The following ZNF441 variants were observed in gnomAD, a reference collection of about 807,000 sequenced individuals.
The protein encoded by ZNF441 is zinc finger protein 441.
In ZNF441, 25 loss-of-function variants were observed where a neutral mutation model predicts 64.5. The ratio of observed to expected loss-of-function variants is 0.39; its 90% CI spans 0.28 to 0.54. The LOEUF (loss-of-function observed/expected upper bound fraction) is 0.54, where lower values mean the gene tolerates loss of function less well. Ranked by LOEUF, ZNF441 falls within the 20% of genes least tolerant of loss-of-function variation. ZNF441 has a pLI of 0.70. For missense variants in ZNF441, 715 were observed against 843.3 expected (o/e 0.85, Z 1.88); for synonymous variants, 262 against 268.0 (o/e 0.98, Z 0.22).
rs1282284706 is a variant in ZNF441, at chr19:11,767,466, G to T, written c.3+270G>T. ...GTCCTGCGTCTCCCCAGATTGTGCG[G>T]CTGTAACCGGCACAGGTTCGCGGCC... On this transcript the variant is annotated intron_variant, in intron 1 of 3. Coordinates refer to ENST00000357901, the MANE Select transcript of ZNF441 (RefSeq NM_152355.3). The surrounding 1 kb of genome is among the most constrained non-coding windows in gnomAD (Gnocchi z 5.1). Among the ~76,000 whole-genome samples the T allele has an allele frequency of 6.6e-6, 1 of 152,256 alleles. No homozygotes were observed. Among genetic ancestry groups the T allele is most frequent in the African/African-American group, 2.4e-5 (1 of 41,472 alleles).
At position 11,781,477 on chromosome 19, in the gene ZNF441, G is replaced by A. The variant is rs1283474146; in HGVS notation, c.1653G>A (p.Arg551=). Residue 551 remains arginine (R), a synonymous_variant, in exon 4 of 4, where the codon AGG becomes AGA. Coordinates refer to ENST00000357901, the MANE Select transcript of ZNF441 (RefSeq NM_152355.3). ...CCAGTTACATTCAACTACATGAAAGGACTCACACTGGAGAGAAACCCTATG... is the reference window on the plus strand; with the variant it reads ...CCAGTTACATTCAACTACATGAAAGAACTCACACTGGAGAGAAACCCTATG... ...RSSSYIQLHE[R]THTGEKPYGC... 2 of 1,613,528 alleles carry A rather than the reference G, an allele frequency of 1.2e-6. No homozygotes were observed. The highest frequency in any genetic ancestry group is 1.3e-5 in the African/African-American group (1 of 74,844).
Position 11,778,327 on chromosome 19 carries a change from T to A in ZNF441, c.131-3T>A, listed in dbSNP as rs1255277712. 6.5e-7 allele frequency: 1 copy of A among 1,533,768 alleles called. No homozygotes were observed. The highest frequency in any genetic ancestry group is 8.8e-7 in the Non-Finnish European group (1 of 1,137,630). ...TAGTCATTTTTCTGGTTCTAACTTTTAGGAATGATATGGCAAAATCATGAT... is the reference window on the plus strand; with the variant it reads ...TAGTCATTTTTCTGGTTCTAACTTTAAGGAATGATATGGCAAAATCATGAT... On this transcript the variant is annotated splice_polypyrimidine_tract_variant and splice_region_variant and intron_variant, in intron 2 of 3. Coordinates refer to ENST00000357901, the MANE Select transcript of ZNF441 (RefSeq NM_152355.3).
chr19:11,779,245 G>A (rs1975376829), intron 3 of ZNF441, among the ~76,000 whole-genome samples: 1 of 151,196 alleles, frequency 6.6e-6, no homozygotes, highest in Non-Finnish European at 1.5e-5. Context: ...CTTGAGCCCA[G>A]GAGGTCAAAG....
intron 2 of ZNF441, 89 bp downstream of exon 2, chr19:11,777,826 G>A: frequency 2.0e-6 from 3 of 1,496,620 alleles, no homozygotes; most frequent in African/African-American, 1.4e-5. Flanking sequence ...AATATGGAAG[G>A]GTATATAATT....
chr19:11,780,268 A>T lies in ZNF441; in HGVS notation c.444A>T (p.Thr148=). ...EKPYTHTQCG[T]AFSYQPCFQI... is the part of the protein sequence containing the mutation. ...CATATACACATACACAATGTGGGAC[A>T]GCTTTCAGTTATCAGCCCTGCTTTC... The change falls in exon 4 of 4, where the codon ACA becomes ACT. Residue 148 remains threonine, a synonymous_variant. Coordinates refer to ENST00000357901, the MANE Select transcript of ZNF441 (RefSeq NM_152355.3). The T allele has an allele frequency of 6.2e-7, 1 of 1,614,222 alleles. No individual in the cohort carries two copies. Among genetic ancestry groups the T allele is most frequent in the Non-Finnish European group, 8.5e-7 (1 of 1,180,048 alleles).
Position 11,780,510 on chromosome 19 carries a change from G to A in ZNF441, c.686G>A (p.Cys229Tyr). Residue 229 changes from cysteine to tyrosine, a missense_variant, in exon 4 of 4, where the codon TGT (cysteine) becomes TAT (tyrosine). Transcript: ENST00000357901. ...GAGAAACCATATGAATATGAGCAGT[G>A]TTCTACAGCGTTTCCTGCTTATAGT... ...TEEKPYEYEQ[C>Y]STAFPAYSST... is the part of the protein sequence containing the mutation. 6.2e-7 allele frequency: 1 copy of A among 1,614,126 alleles called. No individual in the cohort carries two copies. The highest frequency in any genetic ancestry group is 8.5e-7 in the Non-Finnish European group (1 of 1,180,024).
rs1290463494 is a variant in ZNF441, at chr19:11,782,746, T to A, written c.*840T>A. 1 of 152,234 alleles carries A rather than the reference T, an allele frequency of 6.6e-6. No individual in the cohort carries two copies. Among genetic ancestry groups the A allele is most frequent in the Non-Finnish European group, 1.5e-5 (1 of 68,032 alleles). The allele number at this position is 152,234 out of a possible 1,614,324, so 9.4% of individuals were successfully genotyped here. A position where few individuals can be genotyped will look rare whatever the true frequency, so the allele number is the denominator to read the frequency against. On this transcript the variant is annotated 3_prime_UTR_variant, in exon 4 of 4. Transcript: ENST00000357901. ...CCAAACCTTCCAGTGGTTATAGGCA[T>A]TTTGTTATCCTTCAAGTGACCTGGA...
chr19:11,779,089 G>A (rs1975375817), intron 3 of ZNF441, among the ~76,000 whole-genome samples: 1 of 152,162 alleles, frequency 6.6e-6, no homozygotes, highest in South Asian at 2.1e-4. Flanking sequence ...GGGAAGCTGA[G>A]GCAGGAAGAC....
rs1975388357 is a variant in ZNF441, at chr19:11,780,197, G to A, written c.373G>A (p.Asp125Asn). 2.5e-6 allele frequency: 4 copies of A among 1,614,142 alleles called. No individual in the cohort carries two copies. The highest frequency in any genetic ancestry group is 3.4e-6 in the Non-Finnish European group (4 of 1,180,028). ...RSSLNCYVRV[D>N]SEHKPCEYQE... Reference sequence around the variant, plus strand: ...ATCTCTTAATTGCTACGTTAGAGTTGACAGTGAACACAAACCATGTGAGTA... The same window carrying A: ...ATCTCTTAATTGCTACGTTAGAGTTAACAGTGAACACAAACCATGTGAGTA... Residue 125 changes from aspartate (D) to asparagine (N), a missense_variant, in exon 4 of 4, where the codon GAC becomes AAC. This residue lies in a region of ZNF441 where 399 missense variants were observed against 413.9 expected (regional missense o/e 0.96). Transcript: ENST00000357901.
At chr19:11,776,241 G>C (rs1323554869) in intron 1 of ZNF441, among the ~76,000 whole-genome samples, 3 of 152,190 alleles carry the variant, frequency 2.0e-5, no homozygotes. Flanking sequence ...TTGGTCTGCT[G>C]TTTTCAAGAC....
rs1975278151 is a variant in ZNF441, at chr19:11,767,300, C to A, written c.3+104C>A. The A allele has an allele frequency of 6.6e-7, 1 of 1,518,264 alleles. No homozygotes were observed. Among genetic ancestry groups the A allele is most frequent in the South Asian group, 1.2e-5 (1 of 82,874 alleles). The allele number at this position is 1,518,264 out of a possible 1,614,324, so 94.0% of individuals were successfully genotyped here. A position where few individuals can be genotyped will look rare whatever the true frequency, so the allele number is the denominator to read the frequency against. On this transcript the variant is annotated intron_variant, in intron 1 of 3. Transcript: ENST00000357901. This position sits in a 1 kb window ranked among gnomAD's most constrained non-coding sequence, Gnocchi z 5.1. Reference sequence around the variant, plus strand: ...CCAGGTCTTCCCCGCCGGCGACACCCTGGCGCAGCTCGGCCCTCGGTTCCC... The same window carrying A: ...CCAGGTCTTCCCCGCCGGCGACACCATGGCGCAGCTCGGCCCTCGGTTCCC...
intron 3 of ZNF441, 44 bp from the exon 4 acceptor site, chr19:11,779,975 A>T (rs1357269061): frequency 7.0e-7 from 1 of 1,436,754 alleles, no homozygotes; most frequent in Non-Finnish European, 9.5e-7. Context: ...ATACAAAATC[A>T]TTTATAAACA....
intron 1 of ZNF441, among the ~76,000 whole-genome samples, chr19:11,775,988 T>A (rs1975352620): frequency 6.6e-6 from 1 of 152,196 alleles, no homozygotes; most frequent in African/African-American, 2.4e-5. Flanking sequence ...GACTTAGATG[T>A]TCTACCATAT....
At chr19:11,778,420 G>T (rs147367358) in intron 3 of ZNF441, 27 bp downstream of exon 3, 1 of 1,504,272 alleles carries the variant, frequency 6.6e-7, no homozygotes, top group Admixed American at 2.2e-5. Context: ...AGAGAAAGCT[G>T]TGTCCTTGAA....
chr19:11,768,608 G>C (rs1975289133), intron 1 of ZNF441, among the ~76,000 whole-genome samples: 1 of 152,228 alleles, frequency 6.6e-6, no homozygotes, highest in Non-Finnish European at 1.5e-5. Flanking sequence ...GTCTCTTGTA[G>C]TGTCAAGTGA....
chr19:11,780,663 A>G lies in ZNF441; in HGVS notation c.839A>G (p.Tyr280Cys). ...AGGACTCACACTGGAGAACAATCCTATGAATGTAAGCAATGTGGGAAAGCA... is the reference window on the plus strand; with the variant it reads ...AGGACTCACACTGGAGAACAATCCTGTGAATGTAAGCAATGTGGGAAAGCA... ...YERTHTGEQS[Y>C]ECKQCGKAFY... The change falls in exon 4 of 4, where the codon TAT (tyrosine) becomes TGT (cysteine). Residue 280 changes from tyrosine to cysteine, a missense_variant. Physicochemically the swap from Tyr to Cys is radical, Grantham distance 194. Coordinates refer to ENST00000357901, the MANE Select transcript of ZNF441 (RefSeq NM_152355.3). 6.2e-7 allele frequency: 1 copy of G among 1,614,166 alleles called. No homozygotes were observed.
Position 11,767,157 on chromosome 19 carries a change from A to C in ZNF441, c.-37A>C, listed in dbSNP as rs1241111534. On this transcript the variant is annotated 5_prime_UTR_variant, in exon 1 of 4. Transcript: ENST00000357901. The surrounding 1 kb of genome is among the most constrained non-coding windows in gnomAD (Gnocchi z 5.1). ...CGCTGGGACCCGCACTGACAGCGGG[A>C]GGCAGAGGGAGGAACCTGGACGCCG... 4 of 1,555,464 alleles carry C rather than the reference A, an allele frequency of 2.6e-6. No homozygotes were observed. The African/African-American group carries it at 5.5e-5, about 21-fold the overall frequency.
intron 1 of ZNF441, among the ~76,000 whole-genome samples, chr19:11,770,250 C>T (rs777387145): frequency 1.6e-4 from 25 of 152,070 alleles, no homozygotes; most frequent in Admixed American, 1.2e-3. Flanking sequence ...CTGTCAAACA[C>T]TTATAAAACC....
chr19:11,773,329 T>G (rs113630979), intron 1 of ZNF441, among the ~76,000 whole-genome samples: 1,720 of 152,338 alleles, frequency 0.011, 36 homozygotes, highest in African/African-American at 0.039. Context: ...AATTTCTATT[T>G]TTAAAAATGT....
Sources: allele counts gnomAD v4.1 joint callset (sites outside exome capture counted in the v4.1 genomes callset), GRCh38; gene constraint gnomAD v4.1.1; regional missense constraint gnomAD v4.1.1; non-coding constraint Gnocchi (gnomAD v3.1); transcripts MANE v1.5; gene names NCBI Gene and HGNC (gene_info 2026-07-23, HGNC 2026-07-21).